The following NUBPL variants were observed in gnomAD, a reference collection of about 807,000 sequenced individuals.
NUBPL encodes NUBP iron-sulfur cluster assembly factor, mitochondrial, also known as iron-sulfur cluster transfer protein NUBPL.
NUBPL carries 31 observed loss-of-function variants against 45.7 expected under a neutral mutation model. The observed-to-expected ratio is 0.68, with a 90% CI of 0.51 to 0.92. NUBPL has a LOEUF of 0.92. Ranked by LOEUF, NUBPL falls within the 40% of genes least tolerant of loss-of-function variation. The pLI, the probability that NUBPL is intolerant of heterozygous loss-of-function variation, is 0.00. For synonymous variants in NUBPL, 144 were observed against 140.9 expected (o/e 1.02, Z -0.15); for missense variants, 401 against 398.7 (o/e 1.01, Z -0.05).
intron 6 of NUBPL, among the ~76,000 whole-genome samples, chr14:31,731,847 A>G (rs1232718159): frequency 6.6e-6 from 1 of 152,146 alleles, no homozygotes; most frequent in Non-Finnish European, 1.5e-5. Context: ...TGTATAACAT[A>G]AAGGAAGGAT....
chr14:31,742,371 A>G (rs1406994917), intron 6 of NUBPL, among the ~76,000 whole-genome samples: 1 of 151,958 alleles, frequency 6.6e-6, no homozygotes, highest in Non-Finnish European at 1.5e-5. Context: ...GTGACTTTCA[A>G]ACTTGACTCT....
intron 4 of NUBPL, among the ~76,000 whole-genome samples, chr14:31,611,210 C>A (rs1242252265): frequency 6.6e-6 from 1 of 152,154 alleles, no homozygotes; most frequent in East Asian, 1.9e-4. Context: ...ACTATTAGAA[C>A]TGATAAACAA....
At chr14:31,640,468 A>T (rs2035656854) in intron 4 of NUBPL, among the ~76,000 whole-genome samples, 1 of 151,934 alleles carries the variant, frequency 6.6e-6, no homozygotes, top group Non-Finnish European at 1.5e-5. Context: ...AAATACAAAA[A>T]TTAGGGCATG....
At chr14:31,631,736 A>G (rs1386649458) in intron 4 of NUBPL, among the ~76,000 whole-genome samples, 1 of 152,128 alleles carries the variant, frequency 6.6e-6, no homozygotes, top group East Asian at 1.9e-4. Flanking sequence ...AAAGATAGGC[A>G]GAGAGTGAAT....
chr14:31,763,336 T>C (rs2038851988), intron 6 of NUBPL, among the ~76,000 whole-genome samples: 3 of 152,216 alleles, frequency 2.0e-5, no homozygotes, highest in Admixed American at 6.5e-5. Flanking sequence ...ACTTGTCCTT[T>C]GTCCTTAAAA....
chr14:31,838,881 G>A (rs1462982729), intron 8 of NUBPL, among the ~76,000 whole-genome samples: 4 of 152,078 alleles, frequency 2.6e-5, no homozygotes, highest in African/African-American at 7.2e-5. Context: ...CCAGCCACAC[G>A]TGACTAATGG....
At chr14:31,827,277 G>A (rs1187926827) in intron 8 of NUBPL, among the ~76,000 whole-genome samples, 2 of 151,360 alleles carry the variant, frequency 1.3e-5, no homozygotes, top group South Asian at 4.2e-4. Context: ...TGCTAGGGGT[G>A]TACCGTGACT....
At chr14:31,625,148 G>C (rs1413583013) in intron 4 of NUBPL, among the ~76,000 whole-genome samples, 1 of 152,182 alleles carries the variant, frequency 6.6e-6, no homozygotes, top group Admixed American at 6.5e-5. Context: ...CAGAGAAGTA[G>C]AAAGAAGACC....
At chr14:31,733,180 T>C (rs1446706082) in intron 6 of NUBPL, among the ~76,000 whole-genome samples, 2 of 152,152 alleles carry the variant, frequency 1.3e-5, no homozygotes, top group African/African-American at 2.4e-5. Flanking sequence ...TTTATATATA[T>C]AGATAGGTAG....
At chr14:31,667,780 T>G (rs1406949120) in intron 4 of NUBPL, 1 of 153,162 alleles carries the variant, frequency 6.5e-6, no homozygotes, top group African/African-American at 2.4e-5. Flanking sequence ...TGCTTTCTGT[T>G]TGTTAGTTTT....
chr14:31,682,137 G>T (rs1381977462), intron 6 of NUBPL, among the ~76,000 whole-genome samples: 1 of 151,876 alleles, frequency 6.6e-6, no homozygotes, highest in Non-Finnish European at 1.5e-5. Flanking sequence ...ACATCTCCAG[G>T]TATGATTGTA....
In NUBPL at chr14:31,669,672, T is replaced by G. The variant is rs1038547830; in HGVS notation, c.383-3683T>G. Among the ~76,000 whole-genome samples the G allele has an allele frequency of 2.0e-5, 3 of 152,076 alleles. No individual in the cohort carries two copies. In the East Asian group the frequency reaches 5.8e-4, roughly 29 times the overall value. On this transcript the variant is annotated intron_variant, in intron 4 of 10. Coordinates refer to ENST00000281081, the MANE Select transcript of NUBPL (RefSeq NM_025152.3). ...TTGTTTCCTTCTTTGTGTCCCTAAG[T>G]TCTTATCATTTAGTTCCCACTTGTA...
intron 7 of NUBPL, among the ~76,000 whole-genome samples, chr14:31,789,534 C>T (rs1283581945): frequency 1.3e-5 from 2 of 151,944 alleles, no homozygotes; most frequent in Non-Finnish European, 2.9e-5. Flanking sequence ...AGTAGTTACC[C>T]TTTATTTTGA....
chr14:31,563,391 A>G (rs2033351551), intron 2 of NUBPL, among the ~76,000 whole-genome samples: 1 of 152,210 alleles, frequency 6.6e-6, no homozygotes, highest in Non-Finnish European at 1.5e-5. Context: ...GAAATGTGAA[A>G]GCATTTAAAC....
intron 7 of NUBPL, among the ~76,000 whole-genome samples, chr14:31,823,114 A>G (rs563838517): frequency 3.3e-5 from 5 of 152,232 alleles, no homozygotes; most frequent in African/African-American, 9.6e-5. Flanking sequence ...GTTATATATT[A>G]TATTAAGACT....
chr14:31,738,524 A>G (rs1163215722), intron 6 of NUBPL, among the ~76,000 whole-genome samples: 5 of 152,186 alleles, frequency 3.3e-5, no homozygotes, highest in African/African-American at 4.8e-5. Flanking sequence ...AGATTTAAAT[A>G]TTATCTCTCT....
intron 7 of NUBPL, among the ~76,000 whole-genome samples, chr14:31,815,313 A>C (rs1289165955): frequency 5.3e-5 from 8 of 151,950 alleles, no homozygotes; most frequent in Admixed American, 5.3e-4. Context: ...TGTGAATGGG[A>C]GTTCACTCAT....
At chr14:31,742,237 T>TAC (rs3035713) in intron 6 of NUBPL, among the ~76,000 whole-genome samples, 55,242 of 141,014 alleles carry the variant, frequency 0.39, 10,580 homozygotes, top group East Asian at 0.47. Flanking sequence ...AACTATTGTG[T>TAC]ACACACACAC....
At chr14:31,672,628 A>G (rs1034826162) in intron 4 of NUBPL, among the ~76,000 whole-genome samples, 8 of 152,008 alleles carry the variant, frequency 5.3e-5, no homozygotes, top group Non-Finnish European at 1.2e-4. Flanking sequence ...ATGCCCAGCT[A>G]ATTTTTGTAT....
Sources: gnomAD v4.1 joint callset for allele counts (sites outside exome capture counted in the v4.1 genomes callset) on GRCh38, gnomAD v4.1.1 for gene constraint, MANE v1.5 for transcripts, NCBI Gene and HGNC (gene_info 2026-07-23, HGNC 2026-07-21) for gene names.